The following LAMA5 variants were observed in gnomAD, a reference collection of about 807,000 sequenced individuals.
The protein encoded by LAMA5 is laminin subunit alpha-5.
In LAMA5, 260 loss-of-function variants were observed where a neutral mutation model predicts 433.4. The ratio of observed to expected loss-of-function variants is 0.60; its 90% CI spans 0.54 to 0.66. The LOEUF is 0.66. Among genes scored for constraint, LAMA5 ranks in the 30% least tolerant of loss-of-function variants. LAMA5 has a pLI of 0.00. For synonymous variants in LAMA5, 2,620 were observed against 2,226.6 expected, an observed-to-expected ratio of 1.18 and a Z score of -4.97; for missense variants, 5,378 against 5,258.5, an observed-to-expected ratio of 1.02 and a Z score of -0.70.
chr20:62,323,989 C>T, intron 43 of LAMA5, 91 bp downstream of exon 43: 1 of 1,421,646 alleles, frequency 7.0e-7, no homozygotes, highest in Non-Finnish European at 9.4e-7. Flanking sequence ...GCTGTCCAGG[C>T]CTCTGCAGAG....
In LAMA5 at chr20:62,340,305, GTTTTTTTT is replaced by G. The variant is rs34415039; in HGVS notation, c.1478-1705_1478-1698del. Among the ~76,000 whole-genome samples the G allele has an allele frequency of 3.8e-3, 374 of 99,474 alleles. 3 individuals are homozygous for G. Among genetic ancestry groups the G allele is most frequent in the African/African-American group, 0.013 (348 of 26,098 alleles). 65.3% of individuals were successfully genotyped at this position (99,474 alleles called of 152,430 possible). A position where few individuals can be genotyped will look rare whatever the true frequency, so the allele number is the denominator to read the frequency against. On this transcript the variant is annotated intron_variant, in intron 11 of 79. Transcript: ENST00000252999. The stretch of plus-strand genomic sequence containing the variant: ...AGAGCATAATGAACAAGCCTCCTTT[GTTTTTTTT>G]TTTTTTTTTTTTTTTGAAATGGAGT...
At position 62,336,315 on chromosome 20, in the gene LAMA5, C is replaced by G; in HGVS notation, c.2323+25G>C. The stretch of plus-strand genomic sequence containing the variant: ...CACAGTTCCCCAAGGAACCCCTGTA[C>G]CCCAATACTCCAGGGCACACTCACG... On this transcript the variant is annotated intron_variant, in intron 18 of 79. Coordinates refer to ENST00000252999, the MANE Select transcript of LAMA5 (RefSeq NM_005560.6). 5 of 1,516,754 alleles carry G rather than the reference C, an allele frequency of 3.3e-6. No homozygotes were observed. In the Middle Eastern group the frequency reaches 7.0e-4, roughly 212 times the overall value. 94.0% of individuals were successfully genotyped at this position (1,516,754 alleles called of 1,614,324 possible). A position where few individuals can be genotyped will look rare whatever the true frequency, so the allele number is the denominator to read the frequency against.
Position 62,313,071 on chromosome 20 carries a change from G to A in LAMA5, c.8955+17C>T, listed in dbSNP as rs371411677. Reference sequence around the variant, plus strand: ...TCAGTGCAAGTGGGGATGGCAGGACGGGTGTGCCTGGCGCACCTGCTGCTT... The same window carrying A: ...TCAGTGCAAGTGGGGATGGCAGGACAGGTGTGCCTGGCGCACCTGCTGCTT... On this transcript the variant is annotated intron_variant, in intron 65 of 79. Transcript: ENST00000252999. The A allele has an allele frequency of 1.4e-4, 226 of 1,607,092 alleles. No homozygotes were observed. Among genetic ancestry groups the A allele is most frequent in the Admixed American group, 2.2e-4 (13 of 59,846 alleles).
chr20:62,320,556 T>TGCCTGGCC lies in LAMA5; in HGVS notation c.6754_6759+2dup, dbSNP rs1248236931. The stretch of plus-strand genomic sequence containing the variant: ...GGGCCCTGGGGGGTCTTGGGGCTCC[T>TGCCTGGCC]GCCTGGCCGCCTAGCCGCCGTGCGT... On this transcript the variant is annotated splice_region_variant and intron_variant, in intron 50 of 79. Transcript: ENST00000252999. 3 of 1,587,050 alleles carry TGCCTGGCC rather than the reference T, an allele frequency of 1.9e-6. No individual in the cohort carries two copies.
intron 45 of LAMA5, 94 bp from the exon 46 acceptor site, chr20:62,322,852 G>A: frequency 1.2e-6 from 1 of 813,112 alleles, no homozygotes; most frequent in African/African-American, 1.8e-5. Context: ...ACTGCCTCCT[G>A]CTGTGTCTCC....
At chr20:62,325,576 G>A (rs1979151815) in intron 40 of LAMA5, 30 bp from the exon 41 acceptor site, 1 of 1,473,422 alleles carries the variant, frequency 6.8e-7, no homozygotes, top group Admixed American at 1.7e-5. Flanking sequence ...CCTCAGTGGG[G>A]CCACACTCAA....
Position 62,338,013 on chromosome 20 carries a change from CACCTTGGCAGTTGGGGAA to C in LAMA5, c.1876_1891+2del. 6.3e-7 allele frequency: 1 copy of C among 1,595,530 alleles called. No individual in the cohort carries two copies. Among genetic ancestry groups the C allele is most frequent in the Non-Finnish European group, 8.6e-7 (1 of 1,168,924 alleles). On this transcript the variant is annotated splice_donor_variant and coding_sequence_variant, in exon 14 of 80. Coordinates refer to ENST00000252999, the MANE Select transcript of LAMA5 (RefSeq NM_005560.6). LOFTEE classifies it high-confidence loss of function. ...CCCCTTCCTGCCCTGACCCTCTGCT[CACCTTGGCAGTTGGGGAA>C]ACCATGGTAGCCAGGGCGGCACCGG...
rs1987853929 is a variant in LAMA5, at chr20:62,321,864, G to A, written c.6496+155C>T. ...AGCAGTGGAGCTGCAGCGCTCCTCA[G>A]CGTGGTTGGAGTTGGACAGGCATGG... On this transcript the variant is annotated intron_variant, in intron 48 of 79. Coordinates refer to ENST00000252999, the MANE Select transcript of LAMA5 (RefSeq NM_005560.6). Among the ~76,000 whole-genome samples, 5 of 151,956 alleles carry A rather than the reference G, an allele frequency of 3.3e-5. No individual in the cohort carries two copies. In the South Asian group the frequency reaches 1.0e-3, roughly 31 times the overall value.
At chr20:62,362,610 CCA>C (rs568938009) in intron 1 of LAMA5, 58 bp from the exon 2 acceptor site, 302 of 1,368,638 alleles carry the variant, frequency 2.2e-4, no homozygotes, top group Non-Finnish European at 2.7e-4. Context: ...CCTTCCTCCT[CCA>C]CAGTCACCCT....
In LAMA5 at chr20:62,324,975, G is replaced by A. The variant is rs937728448; in HGVS notation, c.5529+341C>T. ...GCTGGACAGACACACAGTGGGCGAGGGATGGGCAGAATGACAGGCAGACGC... is the reference window on the plus strand; with the variant it reads ...GCTGGACAGACACACAGTGGGCGAGAGATGGGCAGAATGACAGGCAGACGC... On this transcript the variant is annotated intron_variant, in intron 41 of 79. Coordinates refer to ENST00000252999, the MANE Select transcript of LAMA5 (RefSeq NM_005560.6). This position sits in a 1 kb window ranked among gnomAD's most constrained non-coding sequence, Gnocchi z 4.4. 4.9e-6 allele frequency: 2 copies of A among 411,558 alleles called. No individual in the cohort carries two copies. The highest frequency in any genetic ancestry group is 2.0e-5 in the African/African-American group (1 of 50,244). 25.5% of individuals were successfully genotyped at this position (411,558 alleles called of 1,614,324 possible).
chr20:62,336,213 C>T (rs982293769), intron 18 of LAMA5, 127 bp downstream of exon 18: 4 of 669,434 alleles, frequency 6.0e-6, no homozygotes, highest in African/African-American at 3.7e-5. Flanking sequence ...CCACCACTCC[C>T]TCCAGGGCAC....
intron 68 of LAMA5, 25 bp downstream of exon 68, chr20:62,312,375 C>A (rs1384440079): frequency 6.2e-7 from 1 of 1,600,026 alleles, no homozygotes; most frequent in Admixed American, 1.7e-5. Flanking sequence ...CAGATGCCAC[C>A]CCCAGCCCGG....
At chr20:62,310,343 G>T (rs376799524) in intron 76 of LAMA5, 32 bp from the exon 77 acceptor site, 33 of 1,577,066 alleles carry the variant, frequency 2.1e-5, no homozygotes, top group African/African-American at 2.7e-5. Context: ...GAGAAGAAAG[G>T]GGGGGCCCCT....
chr20:62,323,652 A>C lies in LAMA5; in HGVS notation c.5868T>G (p.Phe1956Leu). The stretch of plus-strand genomic sequence containing the variant: ...AGCTGCCCAGCACCAGTGGGTTCCC[A>C]AAGAATCCGGGCGCACACCTGGGAG... The part of the protein sequence containing the change: ...ASCERCAPGF[F>L]GNPLVLGSSC... The change falls in exon 45 of 80, where the codon TTT (phenylalanine) becomes TTG (leucine). Residue 1956 changes from phenylalanine (F) to leucine (L), a missense_variant. Transcript: ENST00000252999. 1 of 1,609,632 alleles carries C rather than the reference A, an allele frequency of 6.2e-7. No homozygotes were observed.
chr20:62,367,088 G>C lies in LAMA5; in HGVS notation c.158C>G (p.Ala53Gly), dbSNP rs1158285775. The change falls in exon 1 of 80, where the codon GCC (alanine) becomes GGC (glycine). Residue 53 changes from alanine (A) to glycine (G), a missense_variant. Coordinates refer to ENST00000252999, the MANE Select transcript of LAMA5 (RefSeq NM_005560.6). ...FSLHPPYFNLAEGARIAASAT... is the reference protein window; with the variant it reads ...FSLHPPYFNLGEGARIAASAT... Reference sequence around the variant, plus strand: ...GGAGGCGGCGATGCGGGCGCCCTCGGCCAGGTTGAAGTAGGGCGGGTGCAG... The same window carrying C: ...GGAGGCGGCGATGCGGGCGCCCTCGCCCAGGTTGAAGTAGGGCGGGTGCAG... The C allele has an allele frequency of 7.9e-7, 1 of 1,267,784 alleles. No homozygotes were observed. Among genetic ancestry groups the C allele is most frequent in the Non-Finnish European group, 9.9e-7 (1 of 1,010,172 alleles). 78.5% of individuals were successfully genotyped at this position (1,267,784 alleles called of 1,614,324 possible).
intron 11 of LAMA5, among the ~76,000 whole-genome samples, chr20:62,344,144 CAAAAA>C (rs34940052): frequency 2.4e-5 from 2 of 82,648 alleles, no homozygotes; most frequent in Non-Finnish European, 4.8e-5. Flanking sequence ...AACTCCATCT[CAAAAA>C]AAAAAAAAAA....
At position 62,314,667 on chromosome 20, in the gene LAMA5, T is replaced by A; in HGVS notation, c.8255A>T (p.Asp2752Val). Residue 2752 changes from aspartate to valine, a missense_variant, in exon 61 of 80, where the codon GAT becomes GTT. Asp to Val is a radical substitution (Grantham distance 152). Coordinates refer to ENST00000252999, the MANE Select transcript of LAMA5 (RefSeq NM_005560.6). ...AGTGTAGGCAGCAAGGTCGGCAAGA[T>A]CCCGTGGGGTGCGCAGCTGCACCCC... ...RSGVQLRTPRDLADLAAYTAL... is the reference protein window; with the variant it reads ...RSGVQLRTPRVLADLAAYTAL... 9 of 1,612,614 alleles carry A rather than the reference T, an allele frequency of 5.6e-6. No homozygotes were observed. The highest frequency in any genetic ancestry group is 7.6e-6 in the Non-Finnish European group (9 of 1,179,916).
Position 62,337,902 on chromosome 20 carries a change from A to G in LAMA5, c.1928T>C (p.Leu643Pro), listed in dbSNP as rs1463050191. 13 of 1,611,632 alleles carry G rather than the reference A, an allele frequency of 8.1e-6. No individual in the cohort carries two copies. Among genetic ancestry groups the G allele is most frequent in the Non-Finnish European group, 1.0e-5 (12 of 1,179,526 alleles). ...TCDPRGALDQLCGAGGLCRCR... is the reference protein window; with the variant it reads ...TCDPRGALDQPCGAGGLCRCR... ...GCGGCACAAACCTCCCGCCCCACAG[A>G]GCTGGTCCAGGGCTCCCCGAGGGTC... The change falls in exon 15 of 80, where the codon CTC becomes CCC. Residue 643 changes from leucine (L) to proline (P), a missense_variant. Coordinates refer to ENST00000252999, the MANE Select transcript of LAMA5 (RefSeq NM_005560.6).
In LAMA5 at chr20:62,318,955, C is replaced by T. The variant is rs1211114488; in HGVS notation, c.6930G>A (p.Glu2310=). Residue 2310 remains glutamate (E), a synonymous_variant, in exon 52 of 80, where the codon GAG becomes GAA. Transcript: ENST00000252999. ...GLANASAPSG[E]QLLRTLAEVE... ...CCTCGGCCAGTGTCCGGAGCAGCTGCTCACCTGATGGAGCCGAGGCATTGG... is the reference window on the plus strand; with the variant it reads ...CCTCGGCCAGTGTCCGGAGCAGCTGTTCACCTGATGGAGCCGAGGCATTGG... The T allele has an allele frequency of 5.6e-6, 9 of 1,596,850 alleles. No individual in the cohort carries two copies. The African/African-American group carries it at 6.7e-5, about 12-fold the overall frequency.
Sources: gnomAD v4.1 joint callset for allele counts (sites outside exome capture counted in the v4.1 genomes callset) on GRCh38, gnomAD v4.1.1 for gene constraint, Gnocchi (gnomAD v3.1) non-coding constraint, MANE v1.5 for transcripts, NCBI Gene and HGNC (gene_info 2026-07-23, HGNC 2026-07-21) for gene names.